Variants in CNIH3 observed in about 807,000 individuals in gnomAD.
The protein encoded by CNIH3 is cornichon family AMPA receptor auxiliary protein 3, also known as protein cornichon homolog 3.
A neutral mutation model predicts 24.1 loss-of-function variants in CNIH3; 14 were observed. The observed-to-expected ratio is 0.58, with a 90% CI of 0.38 to 0.91. The LOEUF is 0.91. Among genes scored for constraint, CNIH3 ranks in the 40% least tolerant of loss-of-function variants. CNIH3 has a pLI of 0.00. For missense variants in CNIH3, 178 were observed against 196.8 expected, an observed-to-expected ratio of 0.90 and a Z score of 0.57; for synonymous variants, 68 against 73.8, an observed-to-expected ratio of 0.92 and a Z score of 0.40.
intron 3 of CNIH3, among the ~76,000 whole-genome samples, chr1:224,702,573 G>A (rs1298807559): frequency 6.6e-6 from 1 of 152,212 alleles, no homozygotes; most frequent in Non-Finnish European, 1.5e-5. Context: ...GCAGCCCAAG[G>A]TAGATGCAGA....
At chr1:224,453,967 A>G (rs1055418129) in intron 1 of CNIH3, among the ~76,000 whole-genome samples, 1 of 152,092 alleles carries the variant, frequency 6.6e-6, no homozygotes. Flanking sequence ...ATTGCGCATT[A>G]AGAATCTCTG....
At chr1:224,499,497 T>A (rs1891244) in intron 1 of CNIH3, among the ~76,000 whole-genome samples, 122,152 of 152,052 alleles carry the variant, frequency 0.8, 49,157 homozygotes, top group Middle Eastern at 0.91. Context: ...CCAGTCTATC[T>A]TTCATCCTGC....
In CNIH3 at chr1:224,506,278, C is replaced by CGT. The variant is rs1413788619; in HGVS notation, n.204-9462_204-9461insTG. Among the ~76,000 whole-genome samples, 89 of 53,404 alleles carry CGT rather than the reference C, an allele frequency of 1.7e-3. No homozygotes were observed. The Admixed American group carries it at 0.021, about 13-fold the overall frequency. 35.0% of individuals were successfully genotyped at this position (53,404 alleles called of 152,430 possible). A position where few individuals can be genotyped will look rare whatever the true frequency, so the allele number is the denominator to read the frequency against. On this transcript the variant is annotated intron_variant and non_coding_transcript_variant, in intron 1 of 5. Transcript: ENST00000471578. ...ACTCATATGCACGCACACGCGCGCGCGCGCGCGCGCACACACACACACACA... is the reference window on the plus strand; with the variant it reads ...ACTCATATGCACGCACACGCGCGCGCGTGCGCGCGCGCACACACACACACACA...
At chr1:224,551,437 C>T (rs571539783) in intron 3 of CNIH3, among the ~76,000 whole-genome samples, 3 of 152,168 alleles carry the variant, frequency 2.0e-5, no homozygotes, top group Admixed American at 6.5e-5. Flanking sequence ...ATGGATGAAG[C>T]AGAGCGATGA....
chr1:224,591,660 G>A (rs1215367100), downstream of CNIH3, among the ~76,000 whole-genome samples: 1 of 152,116 alleles, frequency 6.6e-6, no homozygotes, highest in Non-Finnish European at 1.5e-5. Flanking sequence ...TATTCTCAGA[G>A]GCTCAAGCTG....
chr1:224,577,889 T>TA (rs1221811608), intron 4 of CNIH3, among the ~76,000 whole-genome samples: 4 of 151,900 alleles, frequency 2.6e-5, no homozygotes, highest in African/African-American at 9.7e-5. Flanking sequence ...TATTTAGCCA[T>TA]AAAAAGGAAC....
At chr1:224,683,300 C>G (rs1311964232) in intron 2 of CNIH3, among the ~76,000 whole-genome samples, 1 of 152,196 alleles carries the variant, frequency 6.6e-6, no homozygotes, top group Non-Finnish European at 1.5e-5. Flanking sequence ...GGAAAAGACT[C>G]TTGTCTCAGA....
Position 224,616,388 on chromosome 1 carries a change from T to C in CNIH3, c.-787T>C. The C allele has an allele frequency of 1.2e-6, 1 of 862,612 alleles. No homozygotes were observed. Among genetic ancestry groups the C allele is most frequent in the Non-Finnish European group, 1.4e-6 (1 of 706,820 alleles). 53.4% of individuals were successfully genotyped at this position (862,612 alleles called of 1,614,324 possible). On this transcript the variant is annotated 5_prime_UTR_variant, in exon 1 of 6. Coordinates refer to ENST00000272133, the MANE Select transcript of CNIH3 (RefSeq NM_152495.2). The stretch of plus-strand genomic sequence containing the variant: ...GTGGAGCGAGCTACAGCGTTTGGCC[T>C]GAAACCCACTGCTGCAGCCACCCGG...
chr1:224,674,425 A>G (rs1254980701), intron 1 of CNIH3, among the ~76,000 whole-genome samples: 1 of 151,924 alleles, frequency 6.6e-6, no homozygotes, highest in Non-Finnish European at 1.5e-5. Flanking sequence ...GATGCTTTAT[A>G]GAGTGTTTCT....
upstream of CNIH3, among the ~76,000 whole-genome samples, chr1:224,512,973 G>A (rs142520520): frequency 1.3e-5 from 2 of 152,306 alleles, no homozygotes; most frequent in Non-Finnish European, 2.9e-5. Context: ...CATCTGCAAC[G>A]TGGCAATTAT....
chr1:224,597,825 T>C (rs1407124084), intron 3 of CNIH3, among the ~76,000 whole-genome samples: 2 of 152,234 alleles, frequency 1.3e-5, no homozygotes, highest in Admixed American at 1.3e-4. Context: ...CCCTGATTTT[T>C]AGCTGGTCAG....
chr1:224,666,652 G>A (rs1410231866), intron 1 of CNIH3, among the ~76,000 whole-genome samples: 1 of 152,194 alleles, frequency 6.6e-6, no homozygotes, highest in Non-Finnish European at 1.5e-5. Context: ...TGCTGCCAAA[G>A]ATTGTCTTTA....
chr1:224,551,734 G>T (rs1679928981), intron 3 of CNIH3, among the ~76,000 whole-genome samples: 1 of 151,558 alleles, frequency 6.6e-6, no homozygotes, highest in African/African-American at 2.4e-5. Context: ...TAGATATTAT[G>T]AATAATACAA....
intron 4 of CNIH3, among the ~76,000 whole-genome samples, chr1:224,581,008 T>G (rs991509142): frequency 6.6e-6 from 1 of 152,150 alleles, no homozygotes; most frequent in African/African-American, 2.4e-5. Flanking sequence ...ATTGTCAGGG[T>G]GAGGGAGGCC....
chr1:224,539,623 A>G (rs1679434058), downstream of CNIH3, among the ~76,000 whole-genome samples: 1 of 152,104 alleles, frequency 6.6e-6, no homozygotes, highest in South Asian at 2.1e-4. Context: ...TGCCTTCCTT[A>G]TGCCCCATGC....
intron 1 of CNIH3, among the ~76,000 whole-genome samples, chr1:224,645,633 G>A (rs530706903): frequency 6.6e-6 from 1 of 152,370 alleles, no homozygotes. Context: ...ATGTGGAGCA[G>A]GCTCAGCCCG....
chr1:224,592,145 G>A (rs935686539), downstream of CNIH3, among the ~76,000 whole-genome samples: 1 of 151,750 alleles, frequency 6.6e-6, no homozygotes, highest in Non-Finnish European at 1.5e-5. Flanking sequence ...ATGTGTGTGT[G>A]TACGGTATGT....
intron 1 of CNIH3, among the ~76,000 whole-genome samples, chr1:224,438,062 A>G (rs199603337): frequency 1.3e-5 from 2 of 151,778 alleles, no homozygotes; most frequent in Admixed American, 6.6e-5. Context: ...ACAGGCAACC[A>G]CCACCACACC....
At chr1:224,628,005 A>C (rs1000031254) in intron 1 of CNIH3, among the ~76,000 whole-genome samples, 6 of 151,310 alleles carry the variant, frequency 4.0e-5, no homozygotes, top group African/African-American at 1.5e-4. Flanking sequence ...TGTCTCTTTT[A>C]CCTCTGCCTC....
Sources: gnomAD v4.1 joint callset for allele counts (sites outside exome capture counted in the v4.1 genomes callset) on GRCh38, gnomAD v4.1.1 for gene constraint, MANE v1.5 for transcripts, NCBI Gene and HGNC (gene_info 2026-07-23, HGNC 2026-07-21) for gene names.